The following PICK1 variants were observed in gnomAD, a reference collection of about 807,000 sequenced individuals.
PICK1 encodes protein interacting with PRKCA 1, also known as PRKCA-binding protein.
PICK1 carries 23 observed loss-of-function variants against 48.9 expected under a neutral mutation model. The ratio of observed to expected loss-of-function variants is 0.47; its 90% CI spans 0.34 to 0.67. The LOEUF is 0.67. PICK1 is among the 30% of genes least tolerant of loss of function. The pLI is 0.01. For missense variants in PICK1, 423 were observed against 557.1 expected (o/e 0.76, Z 2.42); for synonymous variants, 217 against 228.2 (o/e 0.95, Z 0.44).
chr22:38,057,922 T>C, intron 2 of PICK1, 72 bp downstream of exon 2: 1 of 1,210,982 alleles, frequency 8.3e-7, no homozygotes, highest in East Asian at 2.3e-5. Context: ...GACTTCCCAG[T>C]CCCACAGACC....
Position 38,075,214 on chromosome 22 carries a change from G to A in PICK1, c.*82G>A. Reference sequence around the variant, plus strand: ...CGGGGCGGGGCCGCCGCGCAAGGGGGCGACGCATAAAGGCCTGCTGGCTTG... The same window carrying A: ...CGGGGCGGGGCCGCCGCGCAAGGGGACGACGCATAAAGGCCTGCTGGCTTG... On this transcript the variant is annotated 3_prime_UTR_variant, in exon 13 of 13. Transcript: ENST00000356976. 2.9e-6 allele frequency: 4 copies of A among 1,400,524 alleles called. No individual in the cohort carries two copies. The highest frequency in any genetic ancestry group is 2.4e-5 in the East Asian group (1 of 42,012). 86.8% of individuals were successfully genotyped at this position (1,400,524 alleles called of 1,614,324 possible). A position where few individuals can be genotyped will look rare whatever the true frequency, so the allele number is the denominator to read the frequency against.
At chr22:38,062,599 CCCCCTG>C (rs938117685) in intron 3 of PICK1, among the ~76,000 whole-genome samples, 2 of 152,108 alleles carry the variant, frequency 1.3e-5, no homozygotes, top group Admixed American at 6.6e-5. Flanking sequence ...CTTGTGCCCT[CCCCCTG>C]CCCCTGCCCC....
rs1470678138 is a variant in PICK1, at chr22:38,073,487, C to G, written c.784-286C>G. Among the ~76,000 whole-genome samples the G allele has an allele frequency of 6.6e-6, 1 of 151,958 alleles. No individual in the cohort carries two copies. The highest frequency in any genetic ancestry group is 1.5e-5 in the Non-Finnish European group (1 of 67,806). On this transcript the variant is annotated intron_variant, in intron 10 of 12. Coordinates refer to ENST00000356976, the MANE Select transcript of PICK1 (RefSeq NM_012407.4). The surrounding 1 kb of genome is among the most constrained non-coding windows in gnomAD (Gnocchi z 5.7). ...AAGGTTCCTTTGCTGCAGGACTTAT[C>G]AGAGCCTTTGCTAGGCTGATGTGCA...
At position 38,059,389 on chromosome 22, in the gene PICK1, G is replaced by C. The variant is rs766679406; in HGVS notation, c.153+44G>C. ...GGGGGCACAAGGTACATCCCTACTT[G>C]GGCATGACAAAGGCAGGTTCATTTC... is the stretch of plus-strand genomic sequence containing the variant. On this transcript the variant is annotated intron_variant, in intron 3 of 12. Coordinates refer to ENST00000356976, the MANE Select transcript of PICK1 (RefSeq NM_012407.4). 6 of 1,303,622 alleles carry C rather than the reference G, an allele frequency of 4.6e-6. No homozygotes were observed. The South Asian group carries it at 7.6e-5, about 16-fold the overall frequency. The allele number at this position is 1,303,622 out of a possible 1,614,324, so 80.8% of individuals were successfully genotyped here. A position where few individuals can be genotyped will look rare whatever the true frequency, so the allele number is the denominator to read the frequency against.
chr22:38,060,986 C>T (rs1359651012), intron 3 of PICK1, among the ~76,000 whole-genome samples: 1 of 151,936 alleles, frequency 6.6e-6, no homozygotes, highest in East Asian at 2.0e-4. Context: ...TGGCCTCAAG[C>T]GATCCACCCA....
rs1054220689 is a variant in PICK1 at position 38,073,549 on chromosome 22, C to T, written c.784-224C>T. On this transcript the variant is annotated intron_variant, in intron 10 of 12. Transcript: ENST00000356976. The surrounding 1 kb of genome is among the most constrained non-coding windows in gnomAD (Gnocchi z 5.7). ...CAAGGGTCTTCCTAAGCTCCTTTAACGACAGACCCCTTTTTCCCCAGAGCA... is the reference window on the plus strand; with the variant it reads ...CAAGGGTCTTCCTAAGCTCCTTTAATGACAGACCCCTTTTTCCCCAGAGCA... Among the ~76,000 whole-genome samples the T allele has an allele frequency of 5.3e-5, 8 of 152,200 alleles. No homozygotes were observed. The highest frequency in any genetic ancestry group is 2.0e-4 in the Admixed American group (3 of 15,288).
Position 38,075,631 on chromosome 22 carries a change from G to GATCTACA in PICK1, c.*499_*500insATCTACA. 1 of 157,340 alleles carries GATCTACA rather than the reference G, an allele frequency of 6.4e-6. No homozygotes were observed. Among genetic ancestry groups the GATCTACA allele is most frequent in the Non-Finnish European group, 1.4e-5 (1 of 71,190 alleles). The allele number at this position is 157,340 out of a possible 1,614,324, so 9.7% of individuals were successfully genotyped here. On this transcript the variant is annotated 3_prime_UTR_variant, in exon 13 of 13. Transcript: ENST00000356976. ...GGCCTTTATTTATTCTGTTCCCCCAGCTCGGCCACTTCTCTGAAGGAGGGC... is the reference window on the plus strand; with the variant it reads ...GGCCTTTATTTATTCTGTTCCCCCAGATCTACACTCGGCCACTTCTCTGAAGGAGGGC...
rs2085749900 is a variant in PICK1 at position 38,073,391 on chromosome 22, C to T, written c.783+299C>T. Among the ~76,000 whole-genome samples, 2 of 152,184 alleles carry T rather than the reference C, an allele frequency of 1.3e-5. No homozygotes were observed. The highest frequency in any genetic ancestry group is 2.1e-4 in the South Asian group (1 of 4,832). On this transcript the variant is annotated intron_variant, in intron 10 of 12. Transcript: ENST00000356976. The surrounding 1 kb of genome is among the most constrained non-coding windows in gnomAD (Gnocchi z 5.7). ...TGAGCATAAAATGGGTGTCAGTGAA[C>T]GTTCGTGAGTTTTACATTTAATTAT...
At chr22:38,068,351 G>A (rs190781724) in intron 5 of PICK1, among the ~76,000 whole-genome samples, 118 of 152,274 alleles carry the variant, frequency 7.7e-4, no homozygotes, top group Non-Finnish European at 1.4e-3. Flanking sequence ...CCTCTGGACC[G>A]GCCGCTTCAC....
intron 3 of PICK1, 73 bp from the exon 4 acceptor site, chr22:38,064,929 T>G (rs1601944243): frequency 6.5e-7 from 1 of 1,547,448 alleles, no homozygotes; most frequent in East Asian, 2.3e-5. Context: ...AGCCAGGCAG[T>G]GGTCAGGTGT....
rs2085736408 is a variant in PICK1, at chr22:38,072,878, AG to A, written c.691-119del. On this transcript the variant is annotated intron_variant, in intron 9 of 12. Transcript: ENST00000356976. Reference sequence around the variant, plus strand: ...TCATCCTTGAGAGGGACAAGGCATCAGGGAGCACCATCTGGCTCTGATAGTC... The same window carrying A: ...TCATCCTTGAGAGGGACAAGGCATCAGGAGCACCATCTGGCTCTGATAGTC... 4.7e-6 allele frequency: 4 copies of A among 847,780 alleles called. No individual in the cohort carries two copies. In the African/African-American group the frequency reaches 5.0e-5, roughly 11 times the overall value. 52.5% of individuals were successfully genotyped at this position (847,780 alleles called of 1,614,324 possible). A position where few individuals can be genotyped will look rare whatever the true frequency, so the allele number is the denominator to read the frequency against.
chr22:38,068,630 C>T (rs997045770), intron 5 of PICK1, among the ~76,000 whole-genome samples: 6 of 152,174 alleles, frequency 3.9e-5, no homozygotes, highest in African/African-American at 7.2e-5. Context: ...GTGCCCATTA[C>T]TTTCACATAA....
At position 38,066,155 on chromosome 22, in the gene PICK1, A is replaced by G. The variant is rs2085519025; in HGVS notation, c.282+1025A>G. Among the ~76,000 whole-genome samples the G allele has an allele frequency of 6.6e-6, 1 of 151,896 alleles. No homozygotes were observed. The highest frequency in any genetic ancestry group is 2.1e-4 in the South Asian group (1 of 4,810). ...ATCAGGGCCTGGGGCTGGGGCTCAG[A>G]GCTCTGTTGTAAAAAAAGGAAGCAG... On this transcript the variant is annotated intron_variant, in intron 4 of 12. Transcript: ENST00000356976. The surrounding 1 kb of genome is among the most constrained non-coding windows in gnomAD (Gnocchi z 4.1).
At position 38,073,367 on chromosome 22, in the gene PICK1, G is replaced by T. The variant is rs181608645; in HGVS notation, c.783+275G>T. On this transcript the variant is annotated intron_variant, in intron 10 of 12. Transcript: ENST00000356976. This position sits in a 1 kb window ranked among gnomAD's most constrained non-coding sequence, Gnocchi z 5.7. ...AAACAATGGGTTAGACTAGGTGAGT[G>T]AGCATAAAATGGGTGTCAGTGAACG... 6.6e-6 allele frequency among the ~76,000 whole-genome samples: 1 copy of T among 152,228 alleles called. No homozygotes were observed. The highest frequency in any genetic ancestry group is 2.4e-5 in the African/African-American group (1 of 41,458).
chr22:38,068,047 G>A (rs1019624345), intron 5 of PICK1: 10 of 570,762 alleles, frequency 1.8e-5, no homozygotes, highest in African/African-American at 7.5e-5. Context: ...CTGGGGACTT[G>A]CTACCCTAGG....
Position 38,065,198 on chromosome 22 carries a change from G to A in PICK1, c.282+68G>A, listed in dbSNP as rs551645070. The A allele has an allele frequency of 5.8e-6, 9 of 1,542,468 alleles. No homozygotes were observed. In the East Asian group the frequency reaches 2.1e-4, roughly 37 times the overall value. On this transcript the variant is annotated intron_variant, in intron 4 of 12. Transcript: ENST00000356976. ...TGTTTCTGAGACCTCCAGGCTGCCA[G>A]AGGTCCCAGCAGGCCTGGAAGGGGG... is the stretch of plus-strand genomic sequence containing the variant.
intron 3 of PICK1, among the ~76,000 whole-genome samples, chr22:38,062,275 G>A (rs1379946944): frequency 1.5e-5 from 2 of 131,512 alleles, no homozygotes; most frequent in African/African-American, 2.9e-5. Flanking sequence ...TTTAAATTAA[G>A]TCTTGCTCTG....
chr22:38,069,023 C>T lies in PICK1; in HGVS notation c.350-10C>T. ...CCACAGACTCACCAGGTCCTTTGTC[C>T]CCCGCTCAGTGTTGAAGAAAGTCAA... is the stretch of plus-strand genomic sequence containing the variant. On this transcript the variant is annotated splice_polypyrimidine_tract_variant and intron_variant, in intron 5 of 12. Transcript: ENST00000356976. The T allele has an allele frequency of 6.2e-7, 1 of 1,609,642 alleles. No individual in the cohort carries two copies. The highest frequency in any genetic ancestry group is 8.5e-7 in the Non-Finnish European group (1 of 1,177,448).
chr22:38,075,100 T>C lies in PICK1; in HGVS notation c.1216T>C (p.Leu406=), dbSNP rs746485741. The change falls in exon 13 of 13, where the codon TTG becomes CTG. Residue 406 remains leucine, a synonymous_variant. Transcript: ENST00000356976. ...GGATACACGAGGGGCTGCTGGGCCC[T>C]TGGACAAGGGTGGAAGCTGGTGTGA... is the stretch of plus-strand genomic sequence containing the variant. ...SRDTRGAAGP[L]DKGGSWCDS The C allele has an allele frequency of 4.3e-6, 7 of 1,612,108 alleles. No individual in the cohort carries two copies. The Admixed American group carries it at 8.3e-5, about 19-fold the overall frequency.
Sources: gnomAD v4.1 joint callset for allele counts (sites outside exome capture counted in the v4.1 genomes callset) on GRCh38, gnomAD v4.1.1 for gene constraint, Gnocchi (gnomAD v3.1) non-coding constraint, MANE v1.5 for transcripts, NCBI Gene and HGNC (gene_info 2026-07-23, HGNC 2026-07-21) for gene names.